The following MCUB variants were observed in gnomAD, a reference collection of about 807,000 sequenced individuals.
The protein encoded by MCUB is calcium uniporter regulatory subunit MCUb, mitochondrial.
Under a neutral mutation model 41.4 loss-of-function variants are expected in MCUB, and 46 were observed. The observed-to-expected ratio is 1.11, with a 90% CI of 0.88 to 1.42. The LOEUF is 1.42. Among genes scored for constraint, MCUB ranks in the 40% most tolerant of loss-of-function variants. The probability of loss-of-function intolerance (pLI) is 0.00; values close to 1 mark genes in which losing one functional copy is unlikely to be tolerated. For missense variants in MCUB, 403 were observed against 404.9 expected (o/e 1.00, Z 0.04); for synonymous variants, 148 against 148.2 (o/e 1.00, Z 0.01).
intron 1 of MCUB, among the ~76,000 whole-genome samples, chr4:109,591,820 T>TC (rs1190380133): frequency 1.3e-5 from 2 of 151,834 alleles, no homozygotes; most frequent in Admixed American, 6.5e-5. Flanking sequence ...TGCCTCAGCC[T>TC]CCCAAGTAGC....
chr4:109,603,424 T>C (rs1727792334), intron 1 of MCUB, among the ~76,000 whole-genome samples: 1 of 152,208 alleles, frequency 6.6e-6, no homozygotes, highest in South Asian at 2.1e-4. Flanking sequence ...TGGAGTGCAG[T>C]GGCGTGATCT....
intron 4 of MCUB, among the ~76,000 whole-genome samples, chr4:109,677,047 A>AT (rs1729588999): frequency 6.6e-6 from 1 of 152,240 alleles, no homozygotes; most frequent in Admixed American, 6.5e-5. Context: ...CAGCAAAGCC[A>AT]TGGGGGCAGG....
chr4:109,611,697 TA>T (rs1728010999), intron 1 of MCUB, among the ~76,000 whole-genome samples: 1 of 152,208 alleles, frequency 6.6e-6, no homozygotes, highest in Non-Finnish European at 1.5e-5. Flanking sequence ...AGCCACAATC[TA>T]GACATGTATT....
chr4:109,644,333 C>A (rs1420189647), intron 1 of MCUB, among the ~76,000 whole-genome samples: 1 of 152,120 alleles, frequency 6.6e-6, no homozygotes, highest in Non-Finnish European at 1.5e-5. Context: ...AAACAAGCAG[C>A]CACAATCCCA....
At chr4:109,608,673 G>GT (rs1448833645) in intron 1 of MCUB, among the ~76,000 whole-genome samples, 115 of 145,396 alleles carry the variant, frequency 7.9e-4, no homozygotes, top group Admixed American at 1.8e-3. Flanking sequence ...TATTATTATT[G>GT]TTTTTTTTTT....
At chr4:109,638,647 C>T (rs1027038200) in intron 1 of MCUB, among the ~76,000 whole-genome samples, 4 of 152,080 alleles carry the variant, frequency 2.6e-5, no homozygotes, top group Non-Finnish European at 5.9e-5. Context: ...CTTTTATGAT[C>T]GATTCTCTGT....
chr4:109,673,007 A>T (rs1729493993), intron 4 of MCUB, among the ~76,000 whole-genome samples: 2 of 152,252 alleles, frequency 1.3e-5, no homozygotes, highest in Non-Finnish European at 2.9e-5. Flanking sequence ...ATTTTCAAAT[A>T]CAAACAAGAA....
chr4:109,681,786 G>A (rs1460578712), intron 4 of MCUB, among the ~76,000 whole-genome samples: 1 of 152,170 alleles, frequency 6.6e-6, no homozygotes, highest in Non-Finnish European at 1.5e-5. Context: ...AGTCAGCAGC[G>A]AGTCTGCTAC....
At chr4:109,568,620 C>T (rs1299989001) in intron 1 of MCUB, among the ~76,000 whole-genome samples, 4 of 152,124 alleles carry the variant, frequency 2.6e-5, no homozygotes, top group Admixed American at 1.3e-4. Flanking sequence ...CTTCAGTTTT[C>T]GTGAGGTCTC....
chr4:109,674,629 G>C (rs540665219), intron 4 of MCUB, among the ~76,000 whole-genome samples: 5 of 152,296 alleles, frequency 3.3e-5, no homozygotes, highest in African/African-American at 1.2e-4. Context: ...ATGTGCATGT[G>C]TTTAAACCAA....
intron 1 of MCUB, among the ~76,000 whole-genome samples, chr4:109,607,549 A>T (rs1429220169): frequency 6.6e-6 from 1 of 152,214 alleles, no homozygotes; most frequent in Non-Finnish European, 1.5e-5. Flanking sequence ...AACTCTCTTT[A>T]GCATTTCTTG....
chr4:109,681,160 G>T (rs949143586), intron 4 of MCUB, among the ~76,000 whole-genome samples: 1 of 152,204 alleles, frequency 6.6e-6, no homozygotes, highest in African/African-American at 2.4e-5. Context: ...AGACACATGG[G>T]AGGTATCCAA....
intron 1 of MCUB, among the ~76,000 whole-genome samples, chr4:109,563,133 T>C (rs926877154): frequency 6.6e-6 from 1 of 152,212 alleles, no homozygotes; most frequent in Non-Finnish European, 1.5e-5. Flanking sequence ...TGGTGCTTGG[T>C]GAGTTACATC....
At chr4:109,663,605 C>T (rs1320445981) in intron 3 of MCUB, among the ~76,000 whole-genome samples, 1 of 152,020 alleles carries the variant, frequency 6.6e-6, no homozygotes, top group Non-Finnish European at 1.5e-5. Context: ...GGAAGATGAG[C>T]CCATGTGGTG....
chr4:109,576,394 A>G (rs1727029725), intron 1 of MCUB, among the ~76,000 whole-genome samples: 2 of 152,348 alleles, frequency 1.3e-5, no homozygotes, highest in African/African-American at 4.8e-5. Context: ...ACATTAAGAA[A>G]TGGGTAAAAG....
intron 4 of MCUB, 136 bp downstream of exon 4, chr4:109,664,530 T>A: frequency 1.8e-6 from 1 of 556,280 alleles, no homozygotes; most frequent in Non-Finnish European, 3.2e-6. Flanking sequence ...GCTCAAACAA[T>A]CCTCCCACCT....
At chr4:109,581,085 G>A (rs1029711947) in intron 1 of MCUB, among the ~76,000 whole-genome samples, 14 of 152,192 alleles carry the variant, frequency 9.2e-5, no homozygotes, top group East Asian at 1.9e-4. Flanking sequence ...AATCCTAAGC[G>A]AAAAGAACAA....
chr4:109,590,638 A>G (rs1218189163), intron 1 of MCUB, among the ~76,000 whole-genome samples: 2 of 152,178 alleles, frequency 1.3e-5, no homozygotes, highest in African/African-American at 2.4e-5. Context: ...GGTAAGTTTT[A>G]CTTACCTTCA....
intron 1 of MCUB, among the ~76,000 whole-genome samples, chr4:109,586,905 A>C (rs913479998): frequency 6.6e-6 from 1 of 152,188 alleles, no homozygotes; most frequent in African/African-American, 2.4e-5. Context: ...GTTAGGCTAC[A>C]CGGAGGTCAG....
Sources: allele counts gnomAD v4.1 joint callset (sites outside exome capture counted in the v4.1 genomes callset), GRCh38; gene constraint gnomAD v4.1.1; transcripts MANE v1.5; gene names NCBI Gene and HGNC (gene_info 2026-07-23, HGNC 2026-07-21).